The following SPON1 variants were observed in gnomAD, a reference collection of about 807,000 sequenced individuals.
SPON1 encodes the protein spondin-1.
SPON1 carries 52 observed loss-of-function variants against 111.7 expected under a neutral mutation model. The ratio of observed to expected loss-of-function variants is 0.47; its 90% CI spans 0.37 to 0.59. SPON1 has a LOEUF of 0.59. SPON1 is among the 20% of genes least tolerant of loss of function. The probability of loss-of-function intolerance (pLI) is 0.00; values close to 1 mark genes in which losing one functional copy is unlikely to be tolerated. For synonymous variants in SPON1, 410 were observed against 395.8 expected, an observed-to-expected ratio of 1.04 and a Z score of -0.43; for missense variants, 957 against 1,068.5, an observed-to-expected ratio of 0.90 and a Z score of 1.46.
At chr11:14,235,314 G>A (rs1052801269) in intron 6 of SPON1, among the ~76,000 whole-genome samples, 2 of 152,190 alleles carry the variant, frequency 1.3e-5, no homozygotes, top group Admixed American at 6.5e-5. Flanking sequence ...TGATAGTACA[G>A]CAGTGAGCAA....
chr11:14,040,859 T>C (rs927839054), intron 2 of SPON1, among the ~76,000 whole-genome samples: 2 of 152,114 alleles, frequency 1.3e-5, no homozygotes, highest in Admixed American at 6.6e-5. Context: ...TATACTATAG[T>C]TCTGCAAGAG....
chr11:14,046,674 G>A (rs1385718130), intron 3 of SPON1, among the ~76,000 whole-genome samples: 1 of 152,144 alleles, frequency 6.6e-6, no homozygotes, highest in Non-Finnish European at 1.5e-5. Context: ...TAGTCTTCTA[G>A]TTCAAACTGT....
intron 2 of SPON1, among the ~76,000 whole-genome samples, chr11:13,992,096 A>G (rs1554911275): frequency 6.6e-6 from 1 of 151,708 alleles, no homozygotes; most frequent in African/African-American, 2.4e-5. Flanking sequence ...CTGTGCTGGG[A>G]GGTCCACTGC....
At chr11:14,211,623 T>C (rs1338554168) in intron 6 of SPON1, among the ~76,000 whole-genome samples, 1 of 152,284 alleles carries the variant, frequency 6.6e-6, no homozygotes, top group East Asian at 1.9e-4. Flanking sequence ...AGAATTAGCA[T>C]CTTATATTCT....
At chr11:14,160,959 A>G (rs1591394299) in intron 6 of SPON1, among the ~76,000 whole-genome samples, 1 of 82,574 alleles carries the variant, frequency 1.2e-5, no homozygotes, top group South Asian at 4.4e-4. Flanking sequence ...ATATTTATAT[A>G]TATTTATATA....
chr11:14,155,939 G>T (rs1249699190), intron 6 of SPON1, among the ~76,000 whole-genome samples: 3 of 132,784 alleles, frequency 2.3e-5, no homozygotes, highest in East Asian at 4.8e-4. Context: ...TTGCTATTGT[G>T]AATAGTGCCG....
chr11:14,234,841 C>A lies in SPON1; in HGVS notation c.826-8491C>A, dbSNP rs576488718. 3.3e-5 allele frequency among the ~76,000 whole-genome samples: 5 copies of A among 152,372 alleles called. No individual in the cohort carries two copies. In the South Asian group the frequency reaches 1.0e-3, roughly 32 times the overall value. On this transcript the variant is annotated intron_variant, in intron 6 of 15. Coordinates refer to ENST00000576479, the MANE Select transcript of SPON1 (RefSeq NM_006108.4). ...ATAAAAAGAAATTGAATTTGAAATGCTTCTGTGCAAACGCATCATCTTCTA... is the reference window on the plus strand; with the variant it reads ...ATAAAAAGAAATTGAATTTGAAATGATTCTGTGCAAACGCATCATCTTCTA...
At chr11:14,156,858 CTT>C (rs1350943321) in intron 6 of SPON1, among the ~76,000 whole-genome samples, 2 of 152,126 alleles carry the variant, frequency 1.3e-5, no homozygotes, top group African/African-American at 4.8e-5. Flanking sequence ...ATGCCACACA[CTT>C]TTAAACAACC....
rs782654330 is a variant in SPON1 at position 14,259,346 on chromosome 11, G to T, written c.1559G>T (p.Gly520Val). The T allele has an allele frequency of 6.2e-7, 1 of 1,612,970 alleles. No homozygotes were observed. Among genetic ancestry groups the T allele is most frequent in the East Asian group, 2.2e-5 (1 of 44,872 alleles). The change falls in exon 12 of 16, where the codon GGC (glycine) becomes GTC (valine). Residue 520 changes from glycine (G) to valine (V), a missense_variant. This residue lies in a region of SPON1 where 549 missense variants were observed against 606.2 expected (regional missense o/e 0.91). Transcript: ENST00000576479. This position sits in a 1 kb window ranked among gnomAD's most constrained non-coding sequence, Gnocchi z 5.0. Reference sequence around the variant, plus strand: ...CCCTGCAGCATCTCCTGCGGCATGGGCATGAGGTCCCGGGAGAGGTATGTG... The same window carrying T: ...CCCTGCAGCATCTCCTGCGGCATGGTCATGAGGTCCCGGGAGAGGTATGTG... ...WSPCSISCGM[G>V]MRSRERYVKQ...
rs1447648773 is a variant in SPON1 at position 14,267,348 on chromosome 11, T to C, written c.*1661T>C. The C allele has an allele frequency of 6.6e-6, 1 of 152,210 alleles. No homozygotes were observed. Among genetic ancestry groups the C allele is most frequent in the Non-Finnish European group, 1.5e-5 (1 of 68,030 alleles). 9.4% of individuals were successfully genotyped at this position (152,210 alleles called of 1,614,324 possible). A position where few individuals can be genotyped will look rare whatever the true frequency, so the allele number is the denominator to read the frequency against. On this transcript the variant is annotated 3_prime_UTR_variant, in exon 16 of 16. Coordinates refer to ENST00000576479, the MANE Select transcript of SPON1 (RefSeq NM_006108.4). ...CCATTATTACATCTCTGAACTACCT[T>C]TGTATCCAACATGTTTTAAATCCTT...
chr11:14,098,985 G>A (rs1849123437), intron 5 of SPON1, among the ~76,000 whole-genome samples: 1 of 152,124 alleles, frequency 6.6e-6, no homozygotes, highest in African/African-American at 2.4e-5. Context: ...CTAGCTTTGA[G>A]GAGTAAATTG....
chr11:14,264,951 G>A (rs1849246218), intron 15 of SPON1, among the ~76,000 whole-genome samples: 1 of 152,148 alleles, frequency 6.6e-6, no homozygotes, highest in South Asian at 2.1e-4. Flanking sequence ...TCCTTATATG[G>A]CTGCTGCATA....
At chr11:14,176,172 C>A (rs1349821661) in intron 6 of SPON1, among the ~76,000 whole-genome samples, 2 of 152,082 alleles carry the variant, frequency 1.3e-5, no homozygotes, top group African/African-American at 4.8e-5. Context: ...AAGGAGGGTT[C>A]TCTGAGTTAG....
At chr11:14,082,998 A>G (rs2133833835) in intron 5 of SPON1, among the ~76,000 whole-genome samples, 1 of 152,298 alleles carries the variant, frequency 6.6e-6, no homozygotes, top group South Asian at 2.1e-4. Context: ...GGATCCCAAC[A>G]TAAGTGGTTT....
At chr11:13,963,940 C>T (rs1392770331) in intron 1 of SPON1, among the ~76,000 whole-genome samples, 3 of 152,206 alleles carry the variant, frequency 2.0e-5, no homozygotes, top group Non-Finnish European at 4.4e-5. Context: ...GGAACCTTGG[C>T]TCCGGCAGCT....
intron 5 of SPON1, among the ~76,000 whole-genome samples, chr11:14,117,068 C>G (rs1849272111): frequency 1.3e-5 from 2 of 152,132 alleles, no homozygotes; most frequent in African/African-American, 4.8e-5. Context: ...TTTTCAGAGA[C>G]TTTGCTAAAT....
intron 6 of SPON1, among the ~76,000 whole-genome samples, chr11:14,227,800 C>T (rs1848756867): frequency 6.6e-6 from 1 of 152,172 alleles, no homozygotes; most frequent in Admixed American, 6.5e-5. Context: ...AAGCCACAGA[C>T]CCTCCAAAAC....
chr11:13,975,166 A>AT (rs34603773), intron 1 of SPON1, among the ~76,000 whole-genome samples: 97,924 of 151,936 alleles, frequency 0.64, 33,268 homozygotes, highest in South Asian at 0.84. Context: ...CTGTTGCTAT[A>AT]TTTTTTCCCC....
chr11:14,240,454 A>G lies in SPON1; in HGVS notation c.826-2878A>G, dbSNP rs1591423494. On this transcript the variant is annotated intron_variant, in intron 6 of 15. Coordinates refer to ENST00000576479, the MANE Select transcript of SPON1 (RefSeq NM_006108.4). ...CAGCAGGAAGCTGTCATGCCCACAC[A>G]TATGGTCCCACCATCCTTGGAGCCT... Among the ~76,000 whole-genome samples the G allele has an allele frequency of 2.6e-5, 4 of 152,236 alleles. No homozygotes were observed. The South Asian group carries it at 8.3e-4, about 32-fold the overall frequency.
Sources: gnomAD v4.1 joint callset for allele counts (sites outside exome capture counted in the v4.1 genomes callset) on GRCh38, gnomAD v4.1.1 for gene constraint, gnomAD v4.1.1 regional missense constraint, Gnocchi (gnomAD v3.1) non-coding constraint, MANE v1.5 for transcripts, NCBI Gene and HGNC (gene_info 2026-07-23, HGNC 2026-07-21) for gene names.